The following YEATS4 variants were observed in gnomAD, a reference collection of about 807,000 sequenced individuals.
The protein encoded by YEATS4 is YEATS domain containing 4, also known as YEATS domain-containing protein 4.
A neutral mutation model predicts 30.1 loss-of-function variants in YEATS4; 17 were observed. The ratio of observed to expected loss-of-function variants is 0.56; its 90% CI spans 0.39 to 0.85. YEATS4 has a LOEUF of 0.85. Among genes scored for constraint, YEATS4 ranks in the 40% least tolerant of loss-of-function variants. The probability of loss-of-function intolerance (pLI) is 0.00; values close to 1 mark genes in which losing one functional copy is unlikely to be tolerated. For missense variants in YEATS4, 142 were observed against 268.3 expected (o/e 0.53, Z 3.29); for synonymous variants, 85 against 87.5 (o/e 0.97, Z 0.16).
At chr12:69,402,207 T>G in the YEATS4 span, among the ~76,000 whole-genome samples, 3 of 152,182 alleles carry the variant, frequency 2.0e-5, no homozygotes, top group Non-Finnish European at 2.9e-5. Flanking sequence ...TTCCTCTCTC[T>G]ATTCTAGCCT....
intron 2 of YEATS4, chr12:69,364,206 A>C (rs942859014): frequency 2.2e-6 from 1 of 448,570 alleles, no homozygotes; most frequent in Non-Finnish European, 4.5e-6. Flanking sequence ...TAATCTCAGC[A>C]CTATGGGAGG....
chr12:69,364,838 T>A (rs1018052353), intron 2 of YEATS4, among the ~76,000 whole-genome samples: 1 of 152,106 alleles, frequency 6.6e-6, no homozygotes, highest in Non-Finnish European at 1.5e-5. Context: ...CAGGCTGGTC[T>A]CAAACTCCTG....
intron 6 of YEATS4, among the ~76,000 whole-genome samples, chr12:69,389,275 C>T (rs1356177639): frequency 6.6e-6 from 1 of 151,710 alleles, no homozygotes; most frequent in Non-Finnish European, 1.5e-5. Context: ...CACGGTGAAA[C>T]CCCGTCTCTA....
the YEATS4 span, among the ~76,000 whole-genome samples, chr12:69,399,786 A>C: frequency 6.6e-6 from 1 of 152,260 alleles, no homozygotes; most frequent in African/African-American, 2.4e-5. Flanking sequence ...GTATCAATAC[A>C]ATGGATTATT....
At chr12:69,383,039 T>G (rs1342603013) in intron 6 of YEATS4, among the ~76,000 whole-genome samples, 1 of 152,078 alleles carries the variant, frequency 6.6e-6, no homozygotes, top group Admixed American at 6.5e-5. Flanking sequence ...CATGGGAGGA[T>G]TGCCTGAGCC....
Position 69,376,223 on chromosome 12 carries a change from G to A in YEATS4, c.514+5248G>A, listed in dbSNP as rs920293388. 4.6e-5 allele frequency among the ~76,000 whole-genome samples: 7 copies of A among 152,106 alleles called. No individual in the cohort carries two copies. The East Asian group carries it at 5.8e-4, about 13-fold the overall frequency. On this transcript the variant is annotated intron_variant, in intron 6 of 6. Transcript: ENST00000247843. ...TCTGCTAAAACTATAAAAATTAACC[G>A]AGCATGGTGGCATGTGCCTGTAATC...
chr12:69,421,876 C>T, the YEATS4 span, among the ~76,000 whole-genome samples: 1 of 152,070 alleles, frequency 6.6e-6, no homozygotes, highest in Admixed American at 6.6e-5. Context: ...TGAAATTTCC[C>T]ACTTTTAAAA....
the YEATS4 span, among the ~76,000 whole-genome samples, chr12:69,412,572 G>C: frequency 6.6e-6 from 1 of 152,138 alleles, no homozygotes; most frequent in African/African-American, 2.4e-5. Flanking sequence ...AGAATCACTT[G>C]AACCCGGGAG....
At chr12:69,389,977 A>G (rs1868297770) in intron 6 of YEATS4, among the ~76,000 whole-genome samples, 170 bp from the exon 7 acceptor site, 1 of 152,168 alleles carries the variant, frequency 6.6e-6, no homozygotes, top group Non-Finnish European at 1.5e-5. Flanking sequence ...TTGGGAATTC[A>G]GACATTCTTC....
chr12:69,389,056 C>A (rs181352596), intron 6 of YEATS4, among the ~76,000 whole-genome samples: 4 of 152,324 alleles, frequency 2.6e-5, no homozygotes, highest in Admixed American at 2.6e-4. Flanking sequence ...TACAGTGTCA[C>A]AGCTAGTAAG....
intron 6 of YEATS4, among the ~76,000 whole-genome samples, chr12:69,374,680 A>G: frequency 8.3e-6 from 1 of 120,506 alleles, no homozygotes; most frequent in South Asian, 2.6e-4. Context: ...CATGTTTCAG[A>G]GAGCACGGGG....
the YEATS4 span, chr12:69,400,929 G>A: frequency 8.5e-5 from 13 of 152,164 alleles, no homozygotes; most frequent in Non-Finnish European, 1.6e-4. Flanking sequence ...CGTGCCTGTA[G>A]TCCCTGCTAT....
At chr12:69,384,531 A>T (rs140724939) in intron 6 of YEATS4, among the ~76,000 whole-genome samples, 41 of 152,360 alleles carry the variant, frequency 2.7e-4, no homozygotes, top group African/African-American at 9.4e-4. Flanking sequence ...CATAATTGGT[A>T]AGCTTTTGGG....
At chr12:69,411,331 T>C in the YEATS4 span, among the ~76,000 whole-genome samples, 2 of 152,156 alleles carry the variant, frequency 1.3e-5, no homozygotes, top group African/African-American at 4.8e-5. Flanking sequence ...GGTTTCGCCA[T>C]GTTGCCCAGG....
At chr12:69,399,316 A>G in the YEATS4 span, among the ~76,000 whole-genome samples, 1 of 152,340 alleles carries the variant, frequency 6.6e-6, no homozygotes, top group South Asian at 2.1e-4. Context: ...CAACTCAACA[A>G]TAAAAAGACA....
At chr12:69,391,942 G>A (rs1868319526), downstream of YEATS4, among the ~76,000 whole-genome samples, 1 of 152,088 alleles carries the variant, frequency 6.6e-6, no homozygotes. Flanking sequence ...TGCATACAAG[G>A]GTTCAAAATA....
At chr12:69,363,206 G>A (rs970086519) in intron 2 of YEATS4, among the ~76,000 whole-genome samples, 2 of 151,644 alleles carry the variant, frequency 1.3e-5, no homozygotes, top group African/African-American at 4.8e-5. Flanking sequence ...TGTTAGCCAG[G>A]ATGGTCTCAA....
intron 4 of YEATS4, among the ~76,000 whole-genome samples, chr12:69,368,104 T>G (rs1293060503): frequency 6.6e-6 from 1 of 152,232 alleles, no homozygotes; most frequent in Non-Finnish European, 1.5e-5. Context: ...TTTTATTCTC[T>G]AAAAAATATT....
chr12:69,403,359 T>A, the YEATS4 span, among the ~76,000 whole-genome samples: 2 of 152,052 alleles, frequency 1.3e-5, no homozygotes, highest in African/African-American at 4.8e-5. Context: ...GGCAGATCAC[T>A]TGAGGTCAGG....
Sources: allele counts gnomAD v4.1 joint callset (sites outside exome capture counted in the v4.1 genomes callset), GRCh38; gene constraint gnomAD v4.1.1; transcripts MANE v1.5; gene names NCBI Gene and HGNC (gene_info 2026-07-23, HGNC 2026-07-21).